RAB20: variants seen among roughly 807,000 people sequenced by gnomAD.
The protein encoded by RAB20 is ras-related protein Rab-20.
A neutral mutation model predicts 3.7 loss-of-function variants in RAB20; 2 were observed. That is an observed-to-expected ratio of 0.54 (90% CI 0.22 to 1.69). The LOEUF is 1.69. Among genes scored for constraint, RAB20 ranks in the 40% most tolerant of loss-of-function variants. The pLI, the probability that RAB20 is intolerant of heterozygous loss-of-function variation, is 0.19. For missense variants in RAB20, 276 were observed against 311.9 expected (o/e 0.88, Z 0.87); for synonymous variants, 126 against 130.8 (o/e 0.96, Z 0.25).
At chr13:110,542,246 T>G (rs1884776775) in intron 1 of RAB20, among the ~76,000 whole-genome samples, 1 of 152,198 alleles carries the variant, frequency 6.6e-6, no homozygotes, top group Admixed American at 6.5e-5. Context: ...CATGATATTT[T>G]GATGTATCAT....
chr13:110,523,852 G>A lies in RAB20; in HGVS notation c.518C>T (p.Pro173Leu), dbSNP rs377591845. 42 of 1,614,060 alleles carry A rather than the reference G, an allele frequency of 2.6e-5. No individual in the cohort carries two copies. The East Asian group carries it at 4.7e-4, about 18-fold the overall frequency. The change falls in exon 2 of 2, where the codon CCG becomes CTG. Residue 173 changes from proline to leucine, a missense_variant. Coordinates refer to ENST00000267328, the MANE Select transcript of RAB20 (RefSeq NM_017817.3). ...KYKMLDEQDV[P>L]AAEQMCFETS... ...CTCAAAGCACATTTGCTCAGCGGCC[G>A]GCACATCCTGCTCATCCAGCATCTT...
chr13:110,538,597 C>CAAAAAAAAA (rs67409356), intron 1 of RAB20, among the ~76,000 whole-genome samples: 4 of 70,630 alleles, frequency 5.7e-5, no homozygotes, highest in East Asian at 7.6e-4. Flanking sequence ...GATCTTCTCT[C>CAAAAAAAAA]AAAAAAAAAA....
At chr13:110,556,321 A>G (rs924643410) in intron 1 of RAB20, among the ~76,000 whole-genome samples, 8 of 152,202 alleles carry the variant, frequency 5.3e-5, no homozygotes, top group African/African-American at 1.9e-4. Flanking sequence ...GCTGTGTAGG[A>G]CAGACCTGAC....
Position 110,555,343 on chromosome 13 carries a change from A to G in RAB20, c.172+6005T>C, listed in dbSNP as rs1885021672. ...TTCCAACACTCAAAAACTTCCTGGG[A>G]CTGGGGCTCCAGTCCTCTCCATTCC... On this transcript the variant is annotated intron_variant, in intron 1 of 1. Transcript: ENST00000267328. The surrounding 1 kb of genome is among the most constrained non-coding windows in gnomAD (Gnocchi z 4.0). Among the ~76,000 whole-genome samples, 1 of 152,070 alleles carries G rather than the reference A, an allele frequency of 6.6e-6. No individual in the cohort carries two copies. The highest frequency in any genetic ancestry group is 1.5e-5 in the Non-Finnish European group (1 of 68,002).
At chr13:110,557,895 G>A (rs1179251952) in intron 1 of RAB20, among the ~76,000 whole-genome samples, 1 of 152,274 alleles carries the variant, frequency 6.6e-6, no homozygotes, top group Non-Finnish European at 1.5e-5. Context: ...CCAGGTCTGT[G>A]CTGGGCACAC....
intron 1 of RAB20, among the ~76,000 whole-genome samples, chr13:110,547,122 G>A (rs1884866703): frequency 6.6e-6 from 1 of 152,202 alleles, no homozygotes; most frequent in Non-Finnish European, 1.5e-5. Context: ...AATGCCGCCA[G>A]TCAAGGCCAG....
At chr13:110,558,238 C>A (rs930034313) in intron 1 of RAB20, among the ~76,000 whole-genome samples, 1 of 152,212 alleles carries the variant, frequency 6.6e-6, no homozygotes, top group Admixed American at 6.5e-5. Flanking sequence ...CACCCATGCA[C>A]AGCAACCACT....
chr13:110,542,268 C>T (rs900639303), intron 1 of RAB20, among the ~76,000 whole-genome samples: 1 of 151,924 alleles, frequency 6.6e-6, no homozygotes, highest in African/African-American at 2.4e-5. Context: ...AAATGATTAC[C>T]CTATTAAGCT....
At chr13:110,551,636 G>A (rs970090602) in intron 1 of RAB20, among the ~76,000 whole-genome samples, 4 of 152,162 alleles carry the variant, frequency 2.6e-5, no homozygotes, top group Non-Finnish European at 4.4e-5. Flanking sequence ...GAACTCTGTC[G>A]TCGCAGTGAT....
intron 1 of RAB20, among the ~76,000 whole-genome samples, chr13:110,543,774 A>ATTTTTT (rs60203869): frequency 4.7e-4 from 35 of 74,350 alleles, no homozygotes; most frequent in African/African-American, 1.5e-3. Flanking sequence ...AATGTGGGTT[A>ATTTTTT]TTTTTTTTTT....
chr13:110,532,170 G>A (rs1884552730), intron 1 of RAB20, among the ~76,000 whole-genome samples: 1 of 152,120 alleles, frequency 6.6e-6, no homozygotes, highest in Non-Finnish European at 1.5e-5. Flanking sequence ...GGCAAGAGTG[G>A]GGCTGGCATT....
chr13:110,523,333 T>C lies in RAB20; in HGVS notation c.*332A>G. On this transcript the variant is annotated 3_prime_UTR_variant, in exon 2 of 2. Coordinates refer to ENST00000267328, the MANE Select transcript of RAB20 (RefSeq NM_017817.3). ...AGGTGCAGGTGCAGACGCAGGCTTC[T>C]GCCTCTGCAAGGGCAAGGGGGCCGT... 4.0e-6 allele frequency: 2 copies of C among 501,880 alleles called. No individual in the cohort carries two copies. The allele number at this position is 501,880 out of a possible 1,614,324, so 31.1% of individuals were successfully genotyped here. A position where few individuals can be genotyped will look rare whatever the true frequency, so the allele number is the denominator to read the frequency against.
At chr13:110,558,671 C>G (rs138294631) in intron 1 of RAB20, among the ~76,000 whole-genome samples, 17 of 150,582 alleles carry the variant, frequency 1.1e-4, no homozygotes, top group African/African-American at 3.9e-4. Context: ...CATGAGCCAC[C>G]GCGCAGCCCT....
chr13:110,558,056 G>A (rs921053995), intron 1 of RAB20, among the ~76,000 whole-genome samples: 2 of 152,244 alleles, frequency 1.3e-5, no homozygotes, highest in Admixed American at 6.5e-5. Flanking sequence ...GCTGTAGAAC[G>A]AGGGCCCAAA....
chr13:110,524,141 TG>T lies in RAB20; in HGVS notation c.228del (p.Ile77SerfsTer6). The T allele has an allele frequency of 1.2e-6, 2 of 1,609,256 alleles. No homozygotes were observed. The highest frequency in any genetic ancestry group is 8.5e-7 in the Non-Finnish European group (1 of 1,179,836). ...GSMYCRGAAA[I>X]ILTYDVNHRQ... is the part of the protein sequence containing the mutation. The stretch of plus-strand genomic sequence containing the variant: ...CGGTGATTCACATCATAGGTGAGGA[TG>T]ATGGCGGCCGCCCCCCGGCAGTACA... On this transcript the variant is annotated frameshift_variant, in exon 2 of 2. Transcript: ENST00000267328. LOFTEE classifies it low-confidence loss of function (END_TRUNC).
chr13:110,559,964 C>G (rs527408616), intron 1 of RAB20, among the ~76,000 whole-genome samples: 2 of 152,178 alleles, frequency 1.3e-5, no homozygotes, highest in Non-Finnish European at 2.9e-5. Flanking sequence ...ATTAACCTTG[C>G]TACTTGTAAA....
intron 1 of RAB20, among the ~76,000 whole-genome samples, chr13:110,547,143 G>A (rs772971150): frequency 6.6e-6 from 1 of 152,186 alleles, no homozygotes; most frequent in African/African-American, 2.4e-5. Flanking sequence ...GAAGCTGACT[G>A]TTGCGCCAAA....
At chr13:110,536,726 C>CA (rs1169415802) in intron 1 of RAB20, among the ~76,000 whole-genome samples, 1 of 10,578 alleles carries the variant, frequency 9.5e-5, no homozygotes, top group African/African-American at 4.9e-4. Context: ...TTTTTTGGGG[C>CA]GGTGGGGGGG....
intron 1 of RAB20, among the ~76,000 whole-genome samples, chr13:110,543,151 T>G (rs768865616): frequency 1.3e-5 from 2 of 152,232 alleles, no homozygotes; most frequent in Non-Finnish European, 2.9e-5. Context: ...TTATTTTTAT[T>G]TTAGAGACAA....
Sources: gnomAD v4.1 joint callset for allele counts (sites outside exome capture counted in the v4.1 genomes callset) on GRCh38, gnomAD v4.1.1 for gene constraint, Gnocchi (gnomAD v3.1) non-coding constraint, MANE v1.5 for transcripts, NCBI Gene and HGNC (gene_info 2026-07-23, HGNC 2026-07-21) for gene names.